Variants in NAV3 observed in about 807,000 individuals in gnomAD.
NAV3 encodes the protein pore membrane and/or filament interacting like protein 1.
Under a neutral mutation model 244.7 loss-of-function variants are expected in NAV3, and 87 were observed. The ratio of observed to expected loss-of-function variants is 0.36; its 90% CI spans 0.30 to 0.42. The LOEUF (loss-of-function observed/expected upper bound fraction) is 0.42, where lower values mean the gene tolerates loss of function less well. Among genes scored for constraint, NAV3 ranks in the 20% least tolerant of loss-of-function variants. The pLI is 1.00. For synonymous variants in NAV3, 1,126 were observed against 1,042.2 expected (o/e 1.08, Z -1.55); for missense variants, 2,663 against 2,893.3 (o/e 0.92, Z 1.83).
At chr12:77,742,500 GAA>G (rs1239405730) in intron 2 of NAV3, among the ~76,000 whole-genome samples, 2 of 151,400 alleles carry the variant, frequency 1.3e-5, no homozygotes, top group African/African-American at 4.9e-5. Flanking sequence ...ACATAGATTA[GAA>G]ATATCAAAAA....
At chr12:77,590,938 G>A (rs1362110280) in intron 2 of NAV3, among the ~76,000 whole-genome samples, 1 of 152,146 alleles carries the variant, frequency 6.6e-6, no homozygotes, top group Admixed American at 6.5e-5. Context: ...GATAACAAAG[G>A]TGATAAACCA....
At chr12:77,920,584 C>G (rs2731427) in intron 1 of NAV3, among the ~76,000 whole-genome samples, 73,696 of 151,788 alleles carry the variant, frequency 0.49, 18,820 homozygotes, top group East Asian at 0.66. Context: ...GCATTTTTAG[C>G]TAAATATATA....
At chr12:78,118,451 G>A (rs1446709558) in intron 14 of NAV3, among the ~76,000 whole-genome samples, 154 bp downstream of exon 14, 1 of 152,090 alleles carries the variant, frequency 6.6e-6, no homozygotes, top group Non-Finnish European at 1.5e-5. Flanking sequence ...TTCTGTCTAC[G>A]TTTCACAAAC....
Position 77,699,784 on chromosome 12 carries a change from A to G in NAV3, c.72+127518A>G, listed in dbSNP as rs983621278. ...TCCCAGTGAGCAAGGCCATGTCTGCATGACCTTTTTTTTTTTTTTTAAATG... is the reference window on the plus strand; with the variant it reads ...TCCCAGTGAGCAAGGCCATGTCTGCGTGACCTTTTTTTTTTTTTTTAAATG... On this transcript the variant is annotated intron_variant, in intron 2 of 8. Transcript: ENST00000550042. Among the ~76,000 whole-genome samples, 52 of 105,022 alleles carry G rather than the reference A, an allele frequency of 5.0e-4. 1 individual carries two copies. The highest frequency in any genetic ancestry group is 2.0e-3 in the Admixed American group (15 of 7,548). The allele number at this position is 105,022 out of a possible 152,430, so 68.9% of individuals were successfully genotyped here.
intron 1 of NAV3, among the ~76,000 whole-genome samples, chr12:77,922,002 G>A (rs1430686535): frequency 1.3e-5 from 2 of 152,106 alleles, no homozygotes; most frequent in East Asian, 3.8e-4. Context: ...ATGCTGTATA[G>A]GGTAACCTTT....
intron 39 of NAV3, among the ~76,000 whole-genome samples, chr12:78,206,983 A>G (rs1960399370): frequency 1.3e-5 from 2 of 150,124 alleles, no homozygotes; most frequent in South Asian, 4.2e-4. Context: ...CTCAGCCTCC[A>G]GAGTAGCTGG....
intron 3 of NAV3, among the ~76,000 whole-genome samples, chr12:77,965,568 A>C (rs1417000082): frequency 6.6e-6 from 1 of 152,136 alleles, no homozygotes; most frequent in Non-Finnish European, 1.5e-5. Context: ...GCAGTGAGCC[A>C]AGATCGTGCC....
intron 2 of NAV3, among the ~76,000 whole-genome samples, chr12:77,754,360 A>G (rs933457495): frequency 6.6e-6 from 1 of 152,112 alleles, no homozygotes; most frequent in East Asian, 1.9e-4. Context: ...ATAACAATGT[A>G]TGTGAAAGTC....
At chr12:77,910,588 C>T (rs573636533) in intron 1 of NAV3, among the ~76,000 whole-genome samples, 2 of 152,174 alleles carry the variant, frequency 1.3e-5, no homozygotes, top group African/African-American at 4.8e-5. Context: ...TTAATTTTGA[C>T]CTGAACTTCA....
chr12:78,143,077 A>C (rs1396764109), intron 20 of NAV3, among the ~76,000 whole-genome samples: 1 of 152,144 alleles, frequency 6.6e-6, no homozygotes, highest in African/African-American at 2.4e-5. Flanking sequence ...AAAGCAACTT[A>C]TTATTTTTCA....
At chr12:77,965,168 TGG>T (rs1362235000) in intron 3 of NAV3, among the ~76,000 whole-genome samples, 19 of 152,226 alleles carry the variant, frequency 1.2e-4, no homozygotes, top group African/African-American at 4.6e-4. Context: ...TCCAGGGAGA[TGG>T]ATCACAAAGA....
chr12:77,957,695 T>C (rs1631315), intron 3 of NAV3, among the ~76,000 whole-genome samples: 126,385 of 151,956 alleles, frequency 0.83, 52,761 homozygotes, highest in East Asian at 0.98. Context: ...GACAGAGTCT[T>C]GCTCTGTCCC....
At chr12:77,949,247 A>G (rs1296172894) in intron 3 of NAV3, among the ~76,000 whole-genome samples, 2 of 152,078 alleles carry the variant, frequency 1.3e-5, no homozygotes, top group African/African-American at 2.4e-5. Flanking sequence ...TTGAACATCA[A>G]TGGTATATAC....
At chr12:77,762,216 T>C (rs1869503794) in intron 2 of NAV3, among the ~76,000 whole-genome samples, 1 of 151,896 alleles carries the variant, frequency 6.6e-6, no homozygotes, top group Non-Finnish European at 1.5e-5. Context: ...CTCATAAGTA[T>C]GAGTTGAACA....
intron 12 of NAV3, among the ~76,000 whole-genome samples, chr12:78,082,159 G>A (rs927332036): frequency 2.0e-5 from 3 of 152,162 alleles, no homozygotes; most frequent in Non-Finnish European, 4.4e-5. Flanking sequence ...ATGTGGCTTT[G>A]CTCCTCCTTG....
chr12:77,937,284 G>A (rs1889414771), intron 1 of NAV3, among the ~76,000 whole-genome samples: 1 of 152,136 alleles, frequency 6.6e-6, no homozygotes, highest in South Asian at 2.1e-4. Context: ...GATTCCTCTG[G>A]AAGAAATTCT....
At chr12:77,584,849 C>T (rs546838183) in intron 2 of NAV3, among the ~76,000 whole-genome samples, 20 of 152,062 alleles carry the variant, frequency 1.3e-4, no homozygotes, top group African/African-American at 4.6e-4. Flanking sequence ...TTGATTTCCC[C>T]CCTCAAAAAA....
intron 9 of NAV3, among the ~76,000 whole-genome samples, chr12:78,034,540 A>T (rs1879527903): frequency 6.6e-6 from 1 of 152,214 alleles, no homozygotes; most frequent in Non-Finnish European, 1.5e-5. Flanking sequence ...AGCAGTCTTG[A>T]ATAAGGAAAG....
intron 1 of NAV3, among the ~76,000 whole-genome samples, chr12:77,888,170 C>CG (rs1565891719): frequency 6.6e-6 from 1 of 151,976 alleles, no homozygotes; most frequent in East Asian, 1.9e-4. Context: ...AACCCATACT[C>CG]TAACTAAAGT....
Sources: allele counts gnomAD v4.1 joint callset (sites outside exome capture counted in the v4.1 genomes callset), GRCh38; gene constraint gnomAD v4.1.1; transcripts MANE v1.5; gene names NCBI Gene and HGNC (gene_info 2026-07-23, HGNC 2026-07-21).